FAM124A: variants seen among roughly 807,000 people sequenced by gnomAD.
FAM124A encodes the protein protein FAM124A.
In FAM124A, 23 loss-of-function variants were observed where a neutral mutation model predicts 24.5. That is an observed-to-expected ratio of 0.94 (90% confidence interval 0.68 to 1.33). FAM124A has a LOEUF of 1.33. FAM124A is among the 40% of genes most tolerant of loss of function. The probability of loss-of-function intolerance (pLI) is 0.00; values close to 1 mark genes in which losing one functional copy is unlikely to be tolerated. For synonymous variants in FAM124A, 287 were observed against 314.7 expected (o/e 0.91, Z 0.93); for missense variants, 623 against 722.8 (o/e 0.86, Z 1.58).
At chr13:51,267,409 T>C (rs1462647611) in intron 3 of FAM124A, among the ~76,000 whole-genome samples, 1 of 152,196 alleles carries the variant, frequency 6.6e-6, no homozygotes, top group African/African-American at 2.4e-5. Context: ...TTGTAGGAAA[T>C]TGCAAATAGA....
rs776248339 is a variant in FAM124A at position 51,251,907 on chromosome 13, C to T, written c.540C>T (p.Tyr180=). Residue 180 remains tyrosine (Y), a synonymous_variant, in exon 3 of 4, where the codon TAC becomes TAT. Coordinates refer to ENST00000322475, the MANE Select transcript of FAM124A (RefSeq NM_001242312.2). This position sits in a 1 kb window ranked among gnomAD's most constrained non-coding sequence, Gnocchi z 5.3. ...EIVRFTVYCR[Y]DNYADSLRFY... is the part of the protein sequence containing the mutation. Reference sequence around the variant, plus strand: ...TGCGCTTCACCGTCTACTGTCGCTACGACAACTATGCTGACAGCCTCAGGT... The same window carrying T: ...TGCGCTTCACCGTCTACTGTCGCTATGACAACTATGCTGACAGCCTCAGGT... 10 of 1,614,124 alleles carry T rather than the reference C, an allele frequency of 6.2e-6. No individual in the cohort carries two copies. The highest frequency in any genetic ancestry group is 3.3e-5 in the South Asian group (3 of 91,078).
intron 3 of FAM124A, among the ~76,000 whole-genome samples, chr13:51,276,863 C>T (rs1291459964): frequency 6.6e-6 from 1 of 152,128 alleles, no homozygotes; most frequent in African/African-American, 2.4e-5. Context: ...AAGGAAAACA[C>T]AAGAGGAAAT....
chr13:51,228,523 T>G (rs1954339670), intron 1 of FAM124A, among the ~76,000 whole-genome samples: 1 of 152,218 alleles, frequency 6.6e-6, no homozygotes, highest in South Asian at 2.1e-4. Flanking sequence ...GCTGAATGTC[T>G]TATGCATAGC....
intron 2 of FAM124A, among the ~76,000 whole-genome samples, chr13:51,239,065 C>T (rs1166520718): frequency 6.6e-6 from 1 of 152,112 alleles, no homozygotes; most frequent in African/African-American, 2.4e-5. Flanking sequence ...ACTACTTTCT[C>T]CCCCCTTGAA....
intron 2 of FAM124A, among the ~76,000 whole-genome samples, chr13:51,246,668 C>T (rs372501733): frequency 1.2e-4 from 19 of 152,238 alleles, no homozygotes; most frequent in Admixed American, 3.3e-4. Context: ...AACTGCCAGG[C>T]GAGCTGGTAC....
intron 3 of FAM124A, among the ~76,000 whole-genome samples, chr13:51,275,034 C>T (rs1158458332): frequency 6.6e-6 from 1 of 152,118 alleles, no homozygotes; most frequent in Admixed American, 6.5e-5. Context: ...ACTCAGGAAT[C>T]CTGGTTCACA....
chr13:51,271,604 G>GT (rs541142392), intron 3 of FAM124A, among the ~76,000 whole-genome samples: 30 of 151,472 alleles, frequency 2.0e-4, no homozygotes, highest in Non-Finnish European at 2.9e-4. Context: ...CTCTGGAATG[G>GT]TTTTTTTTTA....
chr13:51,253,945 CT>C (rs201581358), intron 3 of FAM124A, among the ~76,000 whole-genome samples: 75 of 151,988 alleles, frequency 4.9e-4, no homozygotes, highest in African/African-American at 1.7e-3. Flanking sequence ...TGCATTACCT[CT>C]CCCCCCAAGA....
intron 3 of FAM124A, among the ~76,000 whole-genome samples, chr13:51,260,985 C>T (rs1297011272): frequency 6.6e-6 from 1 of 152,180 alleles, no homozygotes; most frequent in Admixed American, 6.5e-5. Flanking sequence ...GACACGGCCA[C>T]TTTTTAAAAT....
At position 51,273,995 on chromosome 13, in the gene FAM124A, GAGAAAGC is replaced by G. The variant is rs1418278534; in HGVS notation, c.835-6454_835-6448del. Among the ~76,000 whole-genome samples the G allele has an allele frequency of 1.9e-3, 296 of 152,198 alleles. 2 individuals are homozygous for G. Among genetic ancestry groups the G allele is most frequent in the Non-Finnish European group, 5.9e-4 (40 of 68,026 alleles). The stretch of plus-strand genomic sequence containing the variant: ...GGGAAAGATGCAGAACTTATACAAA[GAGAAAGC>G]TTGCACCTGGGCATGATATTCTTTC... On this transcript the variant is annotated intron_variant, in intron 3 of 3. Coordinates refer to ENST00000322475, the MANE Select transcript of FAM124A (RefSeq NM_001242312.2).
At chr13:51,235,386 CAGGA>C (rs568580852) in intron 2 of FAM124A, among the ~76,000 whole-genome samples, 3 of 151,624 alleles carry the variant, frequency 2.0e-5, no homozygotes, top group Admixed American at 6.6e-5. Context: ...ATAATTATGC[CAGGA>C]AAAAAAGCAA....
Position 51,281,336 on chromosome 13 carries a change from A to T in FAM124A, c.*80A>T. ...CCCACTGCCCCTCTGGCCACTGAGC[A>T]CACCACATTCTTCATGATCCATTTC... is the stretch of plus-strand genomic sequence containing the variant. On this transcript the variant is annotated 3_prime_UTR_variant, in exon 4 of 4. Transcript: ENST00000322475. 7.5e-7 allele frequency: 1 copy of T among 1,341,488 alleles called. No individual in the cohort carries two copies. Among genetic ancestry groups the T allele is most frequent in the Non-Finnish European group, 1.0e-6 (1 of 1,000,308 alleles). The allele number at this position is 1,341,488 out of a possible 1,614,324, so 83.1% of individuals were successfully genotyped here. A position where few individuals can be genotyped will look rare whatever the true frequency, so the allele number is the denominator to read the frequency against.
At position 51,280,473 on chromosome 13, in the gene FAM124A, T is replaced by G. The variant is rs1438409058; in HGVS notation, c.858T>G (p.Phe286Leu). The change falls in exon 4 of 4, where the codon TTT becomes TTG. Residue 286 changes from phenylalanine to leucine, a missense_variant. Coordinates refer to ENST00000322475, the MANE Select transcript of FAM124A (RefSeq NM_001242312.2). ...LLQAQRVHKK[F>L]PKPGRVHHAS... is the part of the protein sequence containing the mutation. ...AGGCACAAAGGGTGCATAAGAAGTT[T>G]CCTAAACCTGGCAGAGTACATCATG... The G allele has an allele frequency of 6.2e-7, 1 of 1,609,032 alleles. No homozygotes were observed.
intron 3 of FAM124A, among the ~76,000 whole-genome samples, chr13:51,279,550 A>G (rs1366628688): frequency 6.6e-6 from 1 of 152,172 alleles, no homozygotes; most frequent in Non-Finnish European, 1.5e-5. Context: ...GTATGCTTGG[A>G]CACAGACCAG....
intron 3 of FAM124A, among the ~76,000 whole-genome samples, chr13:51,273,587 T>A (rs1397498018): frequency 6.6e-6 from 1 of 152,144 alleles, no homozygotes; most frequent in Non-Finnish European, 1.5e-5. Context: ...TTTTTTTAAC[T>A]TGAATCCTTC....
chr13:51,263,261 G>A (rs1404184303), intron 3 of FAM124A, among the ~76,000 whole-genome samples: 1 of 152,240 alleles, frequency 6.6e-6, no homozygotes, highest in African/African-American at 2.4e-5. Context: ...CAAGAGACTG[G>A]GTTACTCTTA....
chr13:51,243,695 G>A (rs901200906), intron 2 of FAM124A, among the ~76,000 whole-genome samples: 2 of 151,896 alleles, frequency 1.3e-5, no homozygotes, highest in African/African-American at 4.8e-5. Context: ...CACCACACCC[G>A]GCTAATTTTT....
intron 3 of FAM124A, among the ~76,000 whole-genome samples, chr13:51,263,970 G>A (rs1954760956): frequency 6.6e-6 from 1 of 152,188 alleles, no homozygotes; most frequent in African/African-American, 2.4e-5. Flanking sequence ...TTTTCTGGGT[G>A]CTAAATCTCA....
At chr13:51,257,897 G>A (rs1308109329) in intron 3 of FAM124A, among the ~76,000 whole-genome samples, 1 of 152,128 alleles carries the variant, frequency 6.6e-6, no homozygotes, top group Non-Finnish European at 1.5e-5. Flanking sequence ...CTAAGTTTTT[G>A]TCTTGGTTTT....
Sources: gnomAD v4.1 joint callset for allele counts (sites outside exome capture counted in the v4.1 genomes callset) on GRCh38, gnomAD v4.1.1 for gene constraint, Gnocchi (gnomAD v3.1) non-coding constraint, MANE v1.5 for transcripts, NCBI Gene and HGNC (gene_info 2026-07-23, HGNC 2026-07-21) for gene names.